Variants in GRINA observed in about 807,000 individuals in gnomAD.
The protein encoded by GRINA is protein lifeguard 1.
Under a neutral mutation model 42.5 loss-of-function variants are expected in GRINA, and 26 were observed. That is an observed-to-expected ratio of 0.61 (90% CI 0.45 to 0.85). GRINA has a LOEUF of 0.85. GRINA is among the 40% of genes least tolerant of loss of function. The pLI, the probability that GRINA is intolerant of heterozygous loss-of-function variation, is 0.00. For synonymous variants in GRINA, 256 were observed against 204.2 expected (o/e 1.25, Z -2.17); for missense variants, 475 against 481.5 (o/e 0.99, Z 0.13).
rs1284312870 is a variant in GRINA at position 143,991,536 on chromosome 8, C to T, written c.313C>T (p.Pro105Ser). The T allele has an allele frequency of 2.0e-6, 3 of 1,476,412 alleles. No individual in the cohort carries two copies. The highest frequency in any genetic ancestry group is 2.3e-5 in the East Asian group (1 of 43,980). The allele number at this position is 1,476,412 out of a possible 1,614,324, so 91.5% of individuals were successfully genotyped here. ...PQGGYPQGPY[P>S]QSPFPPNPYG... ...AGGGGGCTACCCCCAGGGGCCATAT[C>T]CCCAGAGCCCCTTCCCCCCCAACCC... The change falls in exon 2 of 7, where the codon CCC becomes TCC. Residue 105 changes from proline (P) to serine (S), a missense_variant. Transcript: ENST00000395068.
rs1587467871 is a variant in GRINA, at chr8:143,991,754, C to T, written c.442C>T (p.Pro148Ser). The T allele has an allele frequency of 6.2e-7, 1 of 1,613,924 alleles. No individual in the cohort carries two copies. Among genetic ancestry groups the T allele is most frequent in the Non-Finnish European group, 8.5e-7 (1 of 1,179,836 alleles). ...ATCCTACTATGACAACCAGGACTTC[C>T]CTGCCACCAACTGGGATGACAAGAG... ...PPSYYDNQDFPATNWDDKSIR... is the reference protein window; with the variant it reads ...PPSYYDNQDFSATNWDDKSIR... The change falls in exon 3 of 7, where the codon CCT (proline) becomes TCT (serine). Residue 148 changes from proline (P) to serine (S), a missense_variant. Physicochemically the swap from Pro to Ser is moderately conservative, Grantham distance 74. Coordinates refer to ENST00000395068, the MANE Select transcript of GRINA (RefSeq NM_001009184.2).
rs1436703198 is a variant in GRINA at position 143,990,261 on chromosome 8, CCCG to C, written c.-25+65_-25+67del. 1.3e-5 allele frequency: 2 copies of C among 149,046 alleles called. No individual in the cohort carries two copies. The highest frequency in any genetic ancestry group is 3.0e-5 in the Non-Finnish European group (2 of 66,980). The allele number at this position is 149,046 out of a possible 1,614,324, so 9.2% of individuals were successfully genotyped here. ...CCGCTGCGCCGCGCGGCCTGCCGCC[CCCG>C]CCCCCGCCCCCACGCGGATCTTGCG... On this transcript the variant is annotated intron_variant, in intron 1 of 6. Coordinates refer to ENST00000395068, the MANE Select transcript of GRINA (RefSeq NM_001009184.2). This position sits in a 1 kb window ranked among gnomAD's most constrained non-coding sequence, Gnocchi z 5.6.
chr8:143,991,845 C>T, intron 3 of GRINA, 33 bp from the exon 4 acceptor site: 4 of 1,609,424 alleles, frequency 2.5e-6, no homozygotes, highest in Non-Finnish European at 3.4e-6. Context: ...GCTGTGGCTC[C>T]CAGCGGATGA....
rs374773416 is a variant in GRINA at position 143,991,595 on chromosome 8, C to A, written c.372C>A (p.Asp124Glu). The A allele has an allele frequency of 7.5e-6, 12 of 1,604,674 alleles. No individual in the cohort carries two copies. The African/African-American group carries it at 1.5e-4, about 20-fold the overall frequency. Residue 124 changes from aspartate to glutamate, a missense_variant, in exon 2 of 7, where the codon GAC becomes GAA. Asp to Glu is a conservative substitution (Grantham distance 45, BLOSUM62 2). Around this residue, in one of 2 missense-constraint regions of GRINA, gnomAD observed 321 missense variants for 267.2 expected, o/e 1.20. Transcript: ENST00000395068. Reference protein sequence around the residue: ...YGQPQVFPGQDPDSPQHGNYQ... With the variant: ...YGQPQVFPGQEPDSPQHGNYQ... ...AGCCACAGGTCTTCCCAGGACAAGA[C>A]CCTGACTGTGAGTCTCAGGAAGGGA...
rs1011380913 is a variant in GRINA, at chr8:143,993,198, C to T, written c.*357C>T. On this transcript the variant is annotated 3_prime_UTR_variant, in exon 7 of 7. Transcript: ENST00000395068. ...GATTGAGCCAAGAGGTGAGGGTGCA[C>T]GTCTTCCCTCCTGTCCCAGCTCCCC... The T allele has an allele frequency of 3.4e-6, 1 of 290,060 alleles. No individual in the cohort carries two copies. Among genetic ancestry groups the T allele is most frequent in the Non-Finnish European group, 6.7e-6 (1 of 149,872 alleles). 18.0% of individuals were successfully genotyped at this position (290,060 alleles called of 1,614,324 possible).
Position 143,990,941 on chromosome 8 carries a change from T to C in GRINA, c.-24-259T>C, listed in dbSNP as rs1834082091. On this transcript the variant is annotated intron_variant, in intron 1 of 6. Transcript: ENST00000395068. This position sits in a 1 kb window ranked among gnomAD's most constrained non-coding sequence, Gnocchi z 5.6. ...CGACCCAAGCCCCAAATCCCGAGGC[T>C]GGCGGTCGTCCCCTCGCCCGGCCCC... The C allele has an allele frequency of 8.5e-6, 2 of 236,656 alleles. No individual in the cohort carries two copies. The highest frequency in any genetic ancestry group is 1.6e-5 in the Non-Finnish European group (2 of 122,316). 14.7% of individuals were successfully genotyped at this position (236,656 alleles called of 1,614,324 possible).
chr8:143,990,995 C>T lies in GRINA; in HGVS notation c.-24-205C>T. ...CCCACCCTAAAGGCGGCCTAGAGCC[C>T]TGGGAAGGCCCCACGGCGCCGCCCG... is the stretch of plus-strand genomic sequence containing the variant. On this transcript the variant is annotated intron_variant, in intron 1 of 6. Transcript: ENST00000395068. The surrounding 1 kb of genome is among the most constrained non-coding windows in gnomAD (Gnocchi z 5.6). The T allele has an allele frequency of 2.6e-6, 1 of 382,266 alleles. No individual in the cohort carries two copies. Among genetic ancestry groups the T allele is most frequent in the South Asian group, 5.2e-5 (1 of 19,260 alleles). The allele number at this position is 382,266 out of a possible 1,614,324, so 23.7% of individuals were successfully genotyped here.
rs1437675910 is a variant in GRINA at position 143,991,424 on chromosome 8, G to T, written c.201G>T (p.Gly67=). 6.3e-6 allele frequency: 9 copies of T among 1,417,780 alleles called. No homozygotes were observed. The African/African-American group carries it at 8.7e-5, about 14-fold the overall frequency. 87.8% of individuals were successfully genotyped at this position (1,417,780 alleles called of 1,614,324 possible). Residue 67 remains glycine, a synonymous_variant, in exon 2 of 7, where the codon GGG becomes GGT. Coordinates refer to ENST00000395068, the MANE Select transcript of GRINA (RefSeq NM_001009184.2). Reference sequence around the variant, plus strand: ...ATGGCCCCAGCCCCTACCCCCAAGGGGGCTACCCACAGGGTCCCTACCCCC... The same window carrying T: ...ATGGCCCCAGCCCCTACCCCCAAGGTGGCTACCCACAGGGTCCCTACCCCC... ...YPHGPSPYPQ[G]GYPQGPYPQG... is the part of the protein sequence containing the mutation.
rs1834126890 is a variant in GRINA, at chr8:143,993,002, C to A, written c.*161C>A. ...CCCTCCTGTATGTACACTGCAGATA[C>A]TTCCATTTGGACCCGCTGTGGCCAC... On this transcript the variant is annotated 3_prime_UTR_variant, in exon 7 of 7. Coordinates refer to ENST00000395068, the MANE Select transcript of GRINA (RefSeq NM_001009184.2). 1.6e-6 allele frequency: 1 copy of A among 635,074 alleles called. No individual in the cohort carries two copies. The highest frequency in any genetic ancestry group is 1.8e-5 in the African/African-American group (1 of 54,558). 39.3% of individuals were successfully genotyped at this position (635,074 alleles called of 1,614,324 possible).
Position 143,990,773 on chromosome 8 carries a change from C to T in GRINA, c.-24-427C>T, listed in dbSNP as rs1230616651. The T allele has an allele frequency of 1.3e-5, 2 of 152,656 alleles. No individual in the cohort carries two copies. The highest frequency in any genetic ancestry group is 4.8e-5 in the African/African-American group (2 of 41,458). 9.5% of individuals were successfully genotyped at this position (152,656 alleles called of 1,614,324 possible). A position where few individuals can be genotyped will look rare whatever the true frequency, so the allele number is the denominator to read the frequency against. On this transcript the variant is annotated intron_variant, in intron 1 of 6. Transcript: ENST00000395068. This position sits in a 1 kb window ranked among gnomAD's most constrained non-coding sequence, Gnocchi z 5.6. ...TAGAAATAGCCGCCGGCTCCGGCCC[C>T]TTAAAGCTGCTTAAGGGGCGGGATG...
At position 143,992,526 on chromosome 8, in the gene GRINA, T is replaced by C. The variant is rs782024227; in HGVS notation, c.884T>C (p.Ile295Thr). 6.2e-7 allele frequency: 1 copy of C among 1,614,162 alleles called. No homozygotes were observed. ...CTGGTGAGCATGGTGGTGCTCTTCA[T>C]CTTCGCCATTCTCTGCATCTTCATC... ...VLLVSMVVLF[I>T]FAILCIFIRN... Residue 295 changes from isoleucine to threonine, a missense_variant, in exon 6 of 7, where the codon ATC becomes ACC. This residue lies in a region of GRINA where 154 missense variants were observed against 214.2 expected (regional missense o/e 0.72). Coordinates refer to ENST00000395068, the MANE Select transcript of GRINA (RefSeq NM_001009184.2).
Position 143,991,899 on chromosome 8 carries a change from C to G in GRINA, c.514C>G (p.Gln172Glu). Residue 172 changes from glutamine (Q) to glutamate (E), a missense_variant, in exon 4 of 7, where the codon CAG becomes GAG. Physicochemically the swap from Gln to Glu is conservative, Grantham distance 29. Transcript: ENST00000395068. ...IRKVFLVLTL[Q>E]LSVTLSTVSV... ...CCAGGTGTTCCTAGTGCTGACCTTG[C>G]AGCTGTCGGTGACCCTGTCCACGGT... 6.2e-7 allele frequency: 1 copy of G among 1,611,808 alleles called. No individual in the cohort carries two copies. Among genetic ancestry groups the G allele is most frequent in the Non-Finnish European group, 8.5e-7 (1 of 1,178,684 alleles).
At position 143,992,796 on chromosome 8, in the gene GRINA, C is replaced by T. The variant is rs1554750819; in HGVS notation, c.1071C>T (p.Asn357=). The change falls in exon 7 of 7, where the codon AAC becomes AAT. Residue 357 remains asparagine, a synonymous_variant. Transcript: ENST00000395068. ...AALNLYTDII[N]IFLYILTIIG... ...TGAACCTGTACACAGACATCATCAA[C>T]ATCTTCCTGTACATCCTCACCATCA... 4 of 1,613,870 alleles carry T rather than the reference C, an allele frequency of 2.5e-6. No homozygotes were observed. Among genetic ancestry groups the T allele is most frequent in the Non-Finnish European group, 3.4e-6 (4 of 1,179,904 alleles).
At position 143,992,146 on chromosome 8, in the gene GRINA, G is replaced by A. The variant is rs782792940; in HGVS notation, c.693+68G>A. ...CAGTCCCACACGCCCACTCTTCCGG[G>A]CCTGGTCACCGTGGTTCTCCTTGTG... is the stretch of plus-strand genomic sequence containing the variant. On this transcript the variant is annotated intron_variant, in intron 4 of 6. Transcript: ENST00000395068. 11 of 1,603,808 alleles carry A rather than the reference G, an allele frequency of 6.9e-6. No homozygotes were observed. The East Asian group carries it at 2.0e-4, about 29-fold the overall frequency.
At position 143,992,484 on chromosome 8, in the gene GRINA, C is replaced by G; in HGVS notation, c.842C>G (p.Ser281Ter). ...FSMQTRYDFT[S>*]CMGVLLVSMV... is the part of the protein sequence containing the mutation. ...CTGCAGACCCGCTACGACTTCACCT[C>G]ATGCATGGGCGTGCTCCTGGTGAGC... Residue 281 changes from serine (S) to a stop codon, truncating the protein, a stop_gained, in exon 6 of 7, where the codon TCA becomes TGA. Coordinates refer to ENST00000395068, the MANE Select transcript of GRINA (RefSeq NM_001009184.2). LOFTEE classifies it high-confidence loss of function. 1 of 1,614,194 alleles carries G rather than the reference C, an allele frequency of 6.2e-7. No homozygotes were observed. The highest frequency in any genetic ancestry group is 2.2e-5 in the East Asian group (1 of 44,896).
rs1158917644 is a variant in GRINA, at chr8:143,991,898, G to A, written c.513G>A (p.Leu171=). 6.2e-7 allele frequency: 1 copy of A among 1,612,006 alleles called. No homozygotes were observed. Residue 171 remains leucine (L), a synonymous_variant, in exon 4 of 7, where the codon TTG becomes TTA. Transcript: ENST00000395068. ...CCCAGGTGTTCCTAGTGCTGACCTT[G>A]CAGCTGTCGGTGACCCTGTCCACGG... The part of the protein sequence containing the change: ...FIRKVFLVLT[L]QLSVTLSTVS...
Position 143,991,511 on chromosome 8 carries a change from A to C in GRINA, c.288A>C (p.Gln96His), listed in dbSNP as rs1211354088. ...GCTACCCACAGGGCCCCTACCCCCA[A>C]GGGGGCTACCCCCAGGGGCCATATC... ...QEGYPQGPYP[Q>H]GGYPQGPYPQ... is the part of the protein sequence containing the mutation. Residue 96 changes from glutamine to histidine, a missense_variant, in exon 2 of 7, where the codon CAA (glutamine) becomes CAC (histidine). Physicochemically the swap from Gln to His is conservative, Grantham distance 24. Transcript: ENST00000395068. 2.6e-6 allele frequency: 4 copies of C among 1,542,128 alleles called. No homozygotes were observed. In the South Asian group the frequency reaches 3.6e-5, roughly 14 times the overall value.
At chr8:143,991,173 C>A (rs373039569) in intron 1 of GRINA, 27 bp from the exon 2 acceptor site, 234 of 1,385,158 alleles carry the variant, frequency 1.7e-4, no homozygotes, top group Non-Finnish European at 2.2e-4. Flanking sequence ...GCCAACTGTT[C>A]CACTGTTCCT....
intron 2 of GRINA, 44 bp downstream of exon 2, chr8:143,991,646 G>A: frequency 2.5e-6 from 4 of 1,592,384 alleles, no homozygotes; most frequent in Non-Finnish European, 3.4e-6. Context: ...GGAGGGCAGG[G>A]GGAGGTGCTT....
Sources: allele counts gnomAD v4.1 joint callset, GRCh38; gene constraint gnomAD v4.1.1; regional missense constraint gnomAD v4.1.1; non-coding constraint Gnocchi (gnomAD v3.1); transcripts MANE v1.5; gene names NCBI Gene and HGNC (gene_info 2026-07-23, HGNC 2026-07-21).